Variants in SLC24A3 observed in about 807,000 individuals in gnomAD.
SLC24A3 encodes the protein sodium/potassium/calcium exchanger 3.
A neutral mutation model predicts 75.8 loss-of-function variants in SLC24A3; 28 were observed. That is an observed-to-expected ratio of 0.37 (90% CI 0.27 to 0.51). The LOEUF (loss-of-function observed/expected upper bound fraction) is 0.51. Among genes scored for constraint, SLC24A3 ranks in the 20% least tolerant of loss-of-function variants. The pLI, the probability that SLC24A3 is intolerant of heterozygous loss-of-function variation, is 0.94. For synonymous variants in SLC24A3, 372 were observed against 334.1 expected, an observed-to-expected ratio of 1.11 and a Z score of -1.24; for missense variants, 663 against 847.8, an observed-to-expected ratio of 0.78 and a Z score of 2.71.
At chr20:19,618,969 G>A (rs929194407) in intron 6 of SLC24A3, among the ~76,000 whole-genome samples, 3 of 152,154 alleles carry the variant, frequency 2.0e-5, no homozygotes, top group South Asian at 4.1e-4. Flanking sequence ...AACCACGGCA[G>A]GGTGAACCAC....
intron 2 of SLC24A3, among the ~76,000 whole-genome samples, chr20:19,475,401 G>T (rs1292552560): frequency 2.6e-5 from 4 of 151,516 alleles, no homozygotes; most frequent in Admixed American, 2.6e-4. Context: ...TCCATTTACC[G>T]TTTTAAAGGG....
chr20:19,676,828 T>A (rs1193621577), intron 9 of SLC24A3, among the ~76,000 whole-genome samples: 8 of 152,196 alleles, frequency 5.3e-5, no homozygotes, highest in Admixed American at 5.2e-4. Flanking sequence ...GTTCCCCAGA[T>A]GGGGTATGTG....
intron 2 of SLC24A3, among the ~76,000 whole-genome samples, chr20:19,488,145 A>G (rs936018501): frequency 2.6e-5 from 4 of 152,128 alleles, no homozygotes; most frequent in Non-Finnish European, 2.9e-5. Flanking sequence ...AGCGCATTTT[A>G]TTGTTACTGA....
intron 3 of SLC24A3, 73 bp from the exon 4 acceptor site, chr20:19,579,927 A>C: frequency 5.4e-6 from 6 of 1,110,336 alleles, no homozygotes; most frequent in Non-Finnish European, 6.8e-6. Flanking sequence ...ATCAAAGCAG[A>C]AGGTGGCTGG....
intron 14 of SLC24A3, chr20:19,697,347 A>G (rs2032821843): frequency 5.3e-6 from 1 of 187,004 alleles, no homozygotes; most frequent in Admixed American, 5.5e-5. Flanking sequence ...TGAGTAAAAC[A>G]TGATAGATGC....
intron 2 of SLC24A3, among the ~76,000 whole-genome samples, chr20:19,304,928 G>A (rs545830919): frequency 9.2e-5 from 14 of 152,272 alleles, no homozygotes; most frequent in Admixed American, 8.5e-4. Context: ...AAGACCTGAT[G>A]AGTTATTTTT....
chr20:19,488,326 C>A (rs1403181203), intron 2 of SLC24A3, among the ~76,000 whole-genome samples: 1 of 152,184 alleles, frequency 6.6e-6, no homozygotes, highest in African/African-American at 2.4e-5. Context: ...CCTCCTCTTG[C>A]CTGACTTAAT....
intron 15 of SLC24A3, among the ~76,000 whole-genome samples, chr20:19,699,770 C>A (rs1392890467): frequency 6.6e-6 from 1 of 152,188 alleles, no homozygotes; most frequent in Non-Finnish European, 1.5e-5. Context: ...TGCTTTCTCC[C>A]TTGCAGGAAA....
At chr20:19,319,828 C>T (rs1239279331) in intron 2 of SLC24A3, among the ~76,000 whole-genome samples, 4 of 152,188 alleles carry the variant, frequency 2.6e-5, no homozygotes, top group Non-Finnish European at 5.9e-5. Flanking sequence ...GCTGGTACAC[C>T]TGTACATGTG....
chr20:19,249,048 T>A (rs188813159), intron 1 of SLC24A3, among the ~76,000 whole-genome samples: 1 of 151,898 alleles, frequency 6.6e-6, no homozygotes, highest in Admixed American at 6.6e-5. Flanking sequence ...GGAGGATAAA[T>A]GATAAGTATT....
chr20:19,290,392 G>A (rs139068955), intron 2 of SLC24A3, among the ~76,000 whole-genome samples: 40 of 152,326 alleles, frequency 2.6e-4, no homozygotes, highest in Middle Eastern at 3.4e-3. Context: ...CAAGGTGATA[G>A]TGTTAGAAGA....
intron 1 of SLC24A3, among the ~76,000 whole-genome samples, chr20:19,235,232 C>G (rs560339074): frequency 1.3e-5 from 2 of 152,282 alleles, no homozygotes; most frequent in African/African-American, 4.8e-5. Context: ...CAAGAACTGC[C>G]TTTTTCAAAT....
chr20:19,252,111 A>G (rs1159974436), intron 1 of SLC24A3, among the ~76,000 whole-genome samples: 1 of 152,172 alleles, frequency 6.6e-6, no homozygotes, highest in Non-Finnish European at 1.5e-5. Context: ...CACCAAAGAC[A>G]ACACAGAGTG....
In SLC24A3 at chr20:19,654,099, C is replaced by G. The variant is rs147680736; in HGVS notation, c.650C>G (p.Ser217Cys). 2.3e-3 allele frequency: 3,724 copies of G among 1,613,658 alleles called. 17 individuals are homozygous for G. The highest frequency in any genetic ancestry group is 2.8e-3 in the Non-Finnish European group (3,339 of 1,179,654). ...TCCTCCTGGTGCCTGCTGAGGGATT[C>G]TATTTACTACACGCTGTCTGTGATC... ...ALSSWCLLRDSIYYTLSVIAL... is the reference protein window; with the variant it reads ...ALSSWCLLRDCIYYTLSVIAL... Residue 217 changes from serine to cysteine, a missense_variant, in exon 7 of 17, where the codon TCT becomes TGT. Ser to Cys is a moderately radical substitution (Grantham distance 112, BLOSUM62 -1). Transcript: ENST00000328041.
chr20:19,600,591 T>G (rs2031516172), intron 6 of SLC24A3, among the ~76,000 whole-genome samples: 2 of 152,218 alleles, frequency 1.3e-5, no homozygotes, highest in South Asian at 4.1e-4. Context: ...AGAGAGTAAT[T>G]GTAAATATTA....
chr20:19,641,937 CCTCAACAAGGGACTAACCATGTGCA>C (rs1484586405), intron 6 of SLC24A3, among the ~76,000 whole-genome samples: 2 of 152,170 alleles, frequency 1.3e-5, no homozygotes, highest in East Asian at 3.8e-4. Context: ...TAGGGTCTTA[CCTCAACAAGGGACTAACCATGTGCA>C]CTCTGCAGTA....
intron 2 of SLC24A3, among the ~76,000 whole-genome samples, chr20:19,432,067 C>A (rs906968181): frequency 2.0e-5 from 3 of 152,136 alleles, no homozygotes; most frequent in Non-Finnish European, 4.4e-5. Flanking sequence ...TACCTGAATT[C>A]TCTCAGCATC....
chr20:19,716,445 A>T (rs2033047967), intron 15 of SLC24A3, among the ~76,000 whole-genome samples: 1 of 151,422 alleles, frequency 6.6e-6, no homozygotes, highest in Non-Finnish European at 1.5e-5. Flanking sequence ...TGCATGAGAC[A>T]CATTTCAAAT....
chr20:19,251,679 G>A (rs1376964378), intron 1 of SLC24A3, among the ~76,000 whole-genome samples: 1 of 152,158 alleles, frequency 6.6e-6, no homozygotes, highest in Non-Finnish European at 1.5e-5. Flanking sequence ...TCCTCTGCAG[G>A]TTGAGGGTTG....
Sources: allele counts gnomAD v4.1 joint callset (sites outside exome capture counted in the v4.1 genomes callset), GRCh38; gene constraint gnomAD v4.1.1; transcripts MANE v1.5; gene names NCBI Gene and HGNC (gene_info 2026-07-23, HGNC 2026-07-21).